Variants in TMEM232 observed in about 807,000 individuals in gnomAD.
TMEM232 encodes transmembrane protein 232.
In TMEM232, 80 loss-of-function variants were observed where a neutral mutation model predicts 78.8. The ratio of observed to expected loss-of-function variants is 1.01; its 90% CI spans 0.85 to 1.22. The LOEUF is 1.22. Among genes scored for constraint, TMEM232 ranks in the 50% most tolerant of loss-of-function variants. The pLI is 0.00. For synonymous variants in TMEM232, 297 were observed against 254.3 expected (o/e 1.17, Z -1.60); for missense variants, 881 against 742.2 (o/e 1.19, Z -2.17).
At chr5:110,411,026 A>G (rs917124170) in intron 2 of TMEM232, among the ~76,000 whole-genome samples, 1 of 152,166 alleles carries the variant, frequency 6.6e-6, no homozygotes, top group Admixed American at 6.5e-5. Flanking sequence ...CATACTGGAT[A>G]GGGGATGAGA....
rs1220847202 is a variant in TMEM232 at position 110,667,241 on chromosome 5, C to A, written c.112G>T (p.Gly38Cys). The change falls in exon 2 of 14, where the codon GGT (glycine) becomes TGT (cysteine). Residue 38 changes from glycine to cysteine, a missense_variant. Coordinates refer to ENST00000455884, the MANE Select transcript of TMEM232 (RefSeq NM_001039763.4). The stretch of plus-strand genomic sequence containing the variant: ...TTTCTAGCTTACCTTGATTTATGAC[C>A]CCTTTCTCCACTTAAATGTTGAAAA... ...LNFQHLSGER[G>C]HKSRPTFSIT... 10 of 1,543,840 alleles carry A rather than the reference C, an allele frequency of 6.5e-6. No homozygotes were observed. Among genetic ancestry groups the A allele is most frequent in the Admixed American group, 2.0e-5 (1 of 50,366 alleles).
At chr5:110,444,777 T>C (rs1759465344) in intron 12 of TMEM232, among the ~76,000 whole-genome samples, 1 of 152,202 alleles carries the variant, frequency 6.6e-6, no homozygotes, top group South Asian at 2.1e-4. Flanking sequence ...AATTTGTATT[T>C]AGTTCTTCAA....
In TMEM232 at chr5:110,684,168, A is replaced by G. The variant is rs567498306; in HGVS notation, c.-12-16804T>C. On this transcript the variant is annotated intron_variant, in intron 1 of 13. Coordinates refer to ENST00000455884, the MANE Select transcript of TMEM232 (RefSeq NM_001039763.4). The stretch of plus-strand genomic sequence containing the variant: ...AGCCAGAAACCATAAAAGGGTGTCT[A>G]TATCATTACTACTACTCAAAATGTA... 4.6e-5 allele frequency among the ~76,000 whole-genome samples: 7 copies of G among 152,170 alleles called. No individual in the cohort carries two copies. In the South Asian group the frequency reaches 1.2e-3, roughly 27 times the overall value.
At chr5:110,726,054 A>G (rs1446014374) in intron 1 of TMEM232, among the ~76,000 whole-genome samples, 1 of 151,648 alleles carries the variant, frequency 6.6e-6, no homozygotes, top group Non-Finnish European at 1.5e-5. Context: ...CTCAAGATTA[A>G]CGGCTTTTAA....
chr5:110,630,519 G>C (rs910754333), intron 5 of TMEM232, among the ~76,000 whole-genome samples: 4 of 152,104 alleles, frequency 2.6e-5, no homozygotes, highest in African/African-American at 9.7e-5. Context: ...TGCACTTCTT[G>C]TGATAGTGAA....
intron 12 of TMEM232, among the ~76,000 whole-genome samples, chr5:110,505,977 C>G (rs181931655): frequency 2.6e-5 from 4 of 152,330 alleles, no homozygotes; most frequent in Admixed American, 2.6e-4. Flanking sequence ...GTGCTGTCCA[C>G]AGGTGTGGCC....
intron 11 of TMEM232, among the ~76,000 whole-genome samples, chr5:110,532,155 GC>G (rs1771596224): frequency 6.6e-6 from 1 of 152,086 alleles, no homozygotes; most frequent in African/African-American, 2.4e-5. Context: ...AATAGCCGCA[GC>G]CCAGGATTCC....
Position 110,528,666 on chromosome 5 carries a change from G to C in TMEM232, c.1625C>G (p.Ser542Ter), listed in dbSNP as rs1199620165. Residue 542 changes from serine to a stop codon, truncating the protein, a stop_gained, in exon 12 of 14, where the codon TCA becomes TGA. Coordinates refer to ENST00000455884, the MANE Select transcript of TMEM232 (RefSeq NM_001039763.4). LOFTEE classifies it high-confidence loss of function. The stretch of plus-strand genomic sequence containing the variant: ...ATATTTTGTTTGATCCTTTTTTATT[G>C]ATGGTTTCTTCAAAGGAAGAAAATG... ...EAHFLPLKKP[S>*]IKKDQTKYPN... is the part of the protein sequence containing the mutation. 2 of 1,534,444 alleles carry C rather than the reference G, an allele frequency of 1.3e-6. No homozygotes were observed. Among genetic ancestry groups the C allele is most frequent in the African/African-American group, 2.7e-5 (2 of 72,938 alleles).
intron 12 of TMEM232, among the ~76,000 whole-genome samples, chr5:110,502,474 G>A (rs1766375588): frequency 6.6e-6 from 1 of 152,138 alleles, no homozygotes; most frequent in Admixed American, 6.6e-5. Context: ...GAAATAAAAG[G>A]AATAAAAGAA....
intron 11 of TMEM232, among the ~76,000 whole-genome samples, chr5:110,532,326 G>A (rs1021458054): frequency 1.6e-4 from 24 of 151,470 alleles, no homozygotes; most frequent in African/African-American, 3.2e-4. Context: ...GACGCTGCCC[G>A]ATCGCCTCAG....
intron 10 of TMEM232, among the ~76,000 whole-genome samples, chr5:110,576,381 A>G (rs1777575599): frequency 6.6e-6 from 1 of 152,082 alleles, no homozygotes; most frequent in Admixed American, 6.6e-5. Context: ...AAAGGAATCA[A>G]AGACAATACA....
At chr5:110,680,719 AAAAT>A (rs1792637361) in intron 1 of TMEM232, among the ~76,000 whole-genome samples, 1 of 152,112 alleles carries the variant, frequency 6.6e-6, no homozygotes, top group Admixed American at 6.6e-5. Context: ...AAAAAAATAG[AAAAT>A]AATTAGAATC....
At chr5:110,521,518 A>G (rs757317146) in intron 12 of TMEM232, among the ~76,000 whole-genome samples, 2 of 152,162 alleles carry the variant, frequency 1.3e-5, no homozygotes, top group African/African-American at 2.4e-5. Context: ...ATATTCAAGA[A>G]AACATTGTAA....
chr5:110,724,330 A>G (rs80203915), intron 1 of TMEM232, among the ~76,000 whole-genome samples: 3,369 of 152,212 alleles, frequency 0.022, 117 homozygotes, highest in African/African-American at 0.077. Context: ...GCTGCCTCCA[A>G]TCTTGACCTC....
chr5:110,674,784 G>A (rs963593671), intron 1 of TMEM232, among the ~76,000 whole-genome samples: 2 of 152,164 alleles, frequency 1.3e-5, no homozygotes, highest in African/African-American at 4.8e-5. Flanking sequence ...ACTCAGCACT[G>A]GTTGACAATA....
intron 1 of TMEM232, among the ~76,000 whole-genome samples, chr5:110,701,074 G>A (rs1478983732): frequency 6.6e-6 from 1 of 151,760 alleles, no homozygotes; most frequent in East Asian, 1.9e-4. Flanking sequence ...AGATTTTCTG[G>A]AACTTTATAA....
chr5:110,635,730 A>T (rs1785715013), intron 5 of TMEM232, among the ~76,000 whole-genome samples: 1 of 151,870 alleles, frequency 6.6e-6, no homozygotes, highest in South Asian at 2.1e-4. Flanking sequence ...TCCAGTTAGA[A>T]TGGCTATTAT....
intron 11 of TMEM232, among the ~76,000 whole-genome samples, chr5:110,558,620 G>GT (rs1437305946): frequency 6.6e-6 from 1 of 152,090 alleles, no homozygotes; most frequent in African/African-American, 2.4e-5. Flanking sequence ...CATCCCACAG[G>GT]TAAGATAGCC....
intron 2 of TMEM232, among the ~76,000 whole-genome samples, chr5:110,665,891 C>CA (rs775392111): frequency 0.098 from 6,191 of 63,496 alleles, 326 homozygotes; most frequent in East Asian, 0.33. Flanking sequence ...CCCATCTCCA[C>CA]AAAAAAAAAA....
Sources: allele counts gnomAD v4.1 joint callset (sites outside exome capture counted in the v4.1 genomes callset), GRCh38; gene constraint gnomAD v4.1.1; transcripts MANE v1.5; gene names NCBI Gene and HGNC (gene_info 2026-07-23, HGNC 2026-07-21).